The following CDH10 variants were observed in gnomAD, a reference collection of about 807,000 sequenced individuals.
CDH10 encodes cadherin-10.
CDH10 carries 30 observed loss-of-function variants against 73.1 expected under a neutral mutation model. That is an observed-to-expected ratio of 0.41 (90% CI 0.31 to 0.56). CDH10 has a LOEUF of 0.56. Among genes scored for constraint, CDH10 ranks in the 20% least tolerant of loss-of-function variants. The pLI is 0.27. For synonymous variants in CDH10, 345 were observed against 348.2 expected (o/e 0.99, Z 0.10); for missense variants, 815 against 973.7 (o/e 0.84, Z 2.17).
At chr5:24,607,218 T>C (rs1353859184) in intron 1 of CDH10, among the ~76,000 whole-genome samples, 2 of 152,160 alleles carry the variant, frequency 1.3e-5, no homozygotes, top group African/African-American at 4.8e-5. Flanking sequence ...CAGACTCATG[T>C]TGATGCCGAC....
Position 24,535,733 on chromosome 5 carries a change from G to T in CDH10, c.616C>A (p.Gln206Lys), listed in dbSNP as rs1325989752. Residue 206 changes from glutamine to lysine, a missense_variant, in exon 4 of 12, where the codon CAG (glutamine) becomes AAG (lysine). Physicochemically the swap from Gln to Lys is moderately conservative, Grantham distance 53 (BLOSUM62 1). Around this residue, in one of 3 missense-constraint regions of CDH10, gnomAD observed 516 missense variants for 636.6 expected, o/e 0.81. Transcript: ENST00000264463. ...ARVIYSILQG[Q>K]PYFSVEPETG... ...TCAGGCTCCACAGAGAAATAGGGCTGCCCTTGAAGTATGCTGTAAATGACT... is the reference window on the plus strand; with the variant it reads ...TCAGGCTCCACAGAGAAATAGGGCTTCCCTTGAAGTATGCTGTAAATGACT... The T allele has an allele frequency of 2.5e-6, 4 of 1,611,572 alleles. No individual in the cohort carries two copies. Among genetic ancestry groups the T allele is most frequent in the Non-Finnish European group, 3.4e-6 (4 of 1,178,350 alleles).
chr5:24,588,688 C>T (rs924363816), intron 2 of CDH10, among the ~76,000 whole-genome samples: 8 of 152,132 alleles, frequency 5.3e-5, no homozygotes, highest in Non-Finnish European at 1.2e-4. Flanking sequence ...ACCTGGTGGA[C>T]ACAGTTGCTA....
Position 24,531,199 on chromosome 5 carries a change from C to T in CDH10, c.814+3913G>A, listed in dbSNP as rs184906743. Among the ~76,000 whole-genome samples, 350 of 152,096 alleles carry T rather than the reference C, an allele frequency of 2.3e-3. 8 individuals are homozygous for T. The South Asian group carries it at 0.037, about 16-fold the overall frequency. On this transcript the variant is annotated intron_variant, in intron 5 of 11. Transcript: ENST00000264463. ...CTTTTGAATGACAGCTTCTATTAGC[C>T]TTCCCCCTTCCCCAGTCACCAAATC...
intron 5 of CDH10, among the ~76,000 whole-genome samples, chr5:24,513,186 T>C (rs149907359): frequency 6.6e-6 from 1 of 151,916 alleles, no homozygotes; most frequent in Non-Finnish European, 1.5e-5. Context: ...ACCAGGCTAA[T>C]TTTTATATTT....
At position 24,630,998 on chromosome 5, in the gene CDH10, T is replaced by C. The variant is rs1021722818; in HGVS notation, c.-124+13596A>G. Among the ~76,000 whole-genome samples, 7 of 152,156 alleles carry C rather than the reference T, an allele frequency of 4.6e-5. No individual in the cohort carries two copies. The East Asian group carries it at 1.4e-3, about 29-fold the overall frequency. On this transcript the variant is annotated intron_variant, in intron 1 of 11. Coordinates refer to ENST00000264463, the MANE Select transcript of CDH10 (RefSeq NM_006727.5). ...TGAGGTGTAGCTAGATTGAATACTT[T>C]GGCCAAATTTTCAAACTCCTTCCTT...
rs2111726524 is a variant in CDH10, at chr5:24,505,177, G to A, written c.1328C>T (p.Thr443Ile). The change falls in exon 8 of 12, where the codon ACA becomes ATA. Residue 443 changes from threonine (T) to isoleucine (I), a missense_variant. Transcript: ENST00000264463. ...NIHSGNGSLY[T>I]SKPLDRELSQ... ...TAGTTCACGGTCAAGAGGTTTTGAT[G>A]TATAAAGAGATCCATTTCCTGAATG... The A allele has an allele frequency of 1.9e-6, 3 of 1,611,002 alleles. No individual in the cohort carries two copies. The highest frequency in any genetic ancestry group is 2.5e-6 in the Non-Finnish European group (3 of 1,177,320).
At chr5:24,505,037 AAT>A (rs1428712618) in intron 8 of CDH10, 73 bp downstream of exon 8, 6 of 1,032,634 alleles carry the variant, frequency 5.8e-6, no homozygotes, top group East Asian at 5.3e-5. Context: ...AAACCTATAA[AAT>A]ATGTTAAACT....
chr5:24,529,892 G>C (rs1032350521), intron 5 of CDH10, among the ~76,000 whole-genome samples: 1 of 151,748 alleles, frequency 6.6e-6, no homozygotes, highest in Non-Finnish European at 1.5e-5. Flanking sequence ...TAAAAGCCAG[G>C]TTTCTCAGGA....
intron 1 of CDH10, among the ~76,000 whole-genome samples, chr5:24,637,064 T>G (rs900694911): frequency 6.6e-6 from 1 of 152,122 alleles, no homozygotes; most frequent in African/African-American, 2.4e-5. Flanking sequence ...GTGAGATCCT[T>G]ATATTAGTCA....
chr5:24,605,088 A>G (rs1440232977), intron 1 of CDH10, among the ~76,000 whole-genome samples: 2 of 152,200 alleles, frequency 1.3e-5, no homozygotes, highest in Non-Finnish European at 2.9e-5. Context: ...TAGATGGAAA[A>G]TAAGCATATA....
intron 2 of CDH10, chr5:24,554,016 T>A (rs1385798973): frequency 6.9e-6 from 1 of 145,214 alleles, no homozygotes; most frequent in African/African-American, 2.6e-5. Context: ...TTGGACCACA[T>A]AAGGACAGAG....
chr5:24,491,767 T>C lies in CDH10; in HGVS notation c.1685A>G (p.Tyr562Cys). Residue 562 changes from tyrosine (Y) to cysteine (C), a missense_variant, in exon 11 of 12, where the codon TAT becomes TGT. Tyr to Cys is a radical substitution (Grantham distance 194, BLOSUM62 -2). This residue lies in a region of CDH10 where 516 missense variants were observed against 636.6 expected (regional missense o/e 0.81). Transcript: ENST00000264463. ...GTCTGATATCACCACAGGCAAGAGA[T>C]AGGTACTGATTTCATGTCTATTGAA... ...NGFNRHEISTYLLPVVISDND... is the reference protein window; with the variant it reads ...NGFNRHEISTCLLPVVISDND... 1.2e-6 allele frequency: 2 copies of C among 1,608,970 alleles called. No individual in the cohort carries two copies. Among genetic ancestry groups the C allele is most frequent in the Non-Finnish European group, 1.7e-6 (2 of 1,175,346 alleles).
chr5:24,520,318 G>A (rs1006005544), intron 5 of CDH10, among the ~76,000 whole-genome samples: 26 of 152,072 alleles, frequency 1.7e-4, no homozygotes, highest in Admixed American at 3.3e-4. Context: ...TACTTATATG[G>A]AAAAATATGG....
intron 11 of CDH10, among the ~76,000 whole-genome samples, chr5:24,489,400 T>A (rs1741965750): frequency 6.6e-6 from 1 of 152,110 alleles, no homozygotes; most frequent in Non-Finnish European, 1.5e-5. Context: ...CCCAAGCAAT[T>A]AAAAAGCAAA....
At chr5:24,560,729 T>TA (rs1561163792) in intron 2 of CDH10, among the ~76,000 whole-genome samples, 1 of 152,106 alleles carries the variant, frequency 6.6e-6, no homozygotes, top group Non-Finnish European at 1.5e-5. Flanking sequence ...CTTTTCTCTA[T>TA]AAATGGTTGT....
intron 2 of CDH10, among the ~76,000 whole-genome samples, chr5:24,562,599 T>C (rs998352698): frequency 1.3e-5 from 2 of 152,132 alleles, no homozygotes; most frequent in African/African-American, 4.8e-5. Flanking sequence ...TATAAGCCAC[T>C]GTAAAACTTG....
At chr5:24,631,890 AG>A (rs1289598404) in intron 1 of CDH10, among the ~76,000 whole-genome samples, 5 of 152,128 alleles carry the variant, frequency 3.3e-5, no homozygotes, top group African/African-American at 1.2e-4. Flanking sequence ...TCAAAAGGAA[AG>A]GATCATTTTT....
At chr5:24,638,295 G>A (rs1747933294) in intron 1 of CDH10, among the ~76,000 whole-genome samples, 1 of 151,090 alleles carries the variant, frequency 6.6e-6, no homozygotes, top group South Asian at 2.1e-4. Context: ...TTAAAAGACA[G>A]TTAGCTAGAA....
intron 1 of CDH10, among the ~76,000 whole-genome samples, chr5:24,634,175 T>G (rs1158100688): frequency 6.6e-6 from 1 of 151,904 alleles, no homozygotes; most frequent in Non-Finnish European, 1.5e-5. Flanking sequence ...TTCAGTAGTC[T>G]GCATAATTAA....
Sources: gnomAD v4.1 joint callset for allele counts (sites outside exome capture counted in the v4.1 genomes callset) on GRCh38, gnomAD v4.1.1 for gene constraint, gnomAD v4.1.1 regional missense constraint, MANE v1.5 for transcripts, NCBI Gene and HGNC (gene_info 2026-07-23, HGNC 2026-07-21) for gene names.